ADARB2: variants seen among roughly 807,000 people sequenced by gnomAD.
ADARB2 encodes adenosine deaminase RNA specific B2 (inactive).
In ADARB2, 25 loss-of-function variants were observed where a neutral mutation model predicts 62.2. That is an observed-to-expected ratio of 0.40 (90% CI 0.29 to 0.56). The LOEUF is 0.56. Ranked by LOEUF, ADARB2 falls within the 20% of genes least tolerant of loss-of-function variation. The pLI is 0.43. For synonymous variants in ADARB2, 572 were observed against 500.8 expected (o/e 1.14, Z -1.90); for missense variants, 1,071 against 1,077.4 (o/e 0.99, Z 0.08).
At chr10:1,370,729 C>A (rs1474033733) in intron 2 of ADARB2, among the ~76,000 whole-genome samples, 1 of 152,080 alleles carries the variant, frequency 6.6e-6, no homozygotes, top group Admixed American at 6.5e-5. Context: ...AATAAAATAC[C>A]TAGGAATACA....
intron 7 of ADARB2, among the ~76,000 whole-genome samples, chr10:1,207,678 G>A (rs1003107076): frequency 7.9e-5 from 12 of 152,204 alleles, no homozygotes; most frequent in African/African-American, 2.9e-4. Context: ...ATTCCCCAGA[G>A]AGCAGCTGTA....
intron 1 of ADARB2, among the ~76,000 whole-genome samples, chr10:1,401,091 T>C (rs1037370373): frequency 1.3e-5 from 2 of 152,106 alleles, no homozygotes; most frequent in African/African-American, 4.8e-5. Context: ...CAGCCTGGCA[T>C]GAAATGGGAT....
intron 1 of ADARB2, chr10:1,675,125 G>T: frequency 2.0e-6 from 2 of 984,718 alleles, no homozygotes. Flanking sequence ...CGGGGTACAT[G>T]GATGTTCTGG....
At chr10:1,326,002 C>G (rs887181114) in intron 3 of ADARB2, among the ~76,000 whole-genome samples, 4 of 152,210 alleles carry the variant, frequency 2.6e-5, no homozygotes, top group African/African-American at 7.2e-5. Context: ...TCAACTCTCT[C>G]ACAGGAAACC....
chr10:1,580,606 C>A (rs1833084904), intron 1 of ADARB2, among the ~76,000 whole-genome samples: 1 of 151,804 alleles, frequency 6.6e-6, no homozygotes, highest in Non-Finnish European at 1.5e-5. Flanking sequence ...AATGCACAAC[C>A]ACCCCGTTAT....
At chr10:1,344,283 A>G (rs944774747) in intron 3 of ADARB2, among the ~76,000 whole-genome samples, 3 of 152,182 alleles carry the variant, frequency 2.0e-5, no homozygotes, top group African/African-American at 7.2e-5. Flanking sequence ...CAGCGAGAGG[A>G]CTCAGTCAAG....
intron 1 of ADARB2, among the ~76,000 whole-genome samples, chr10:1,522,667 C>T (rs1333345715): frequency 6.6e-6 from 1 of 152,220 alleles, no homozygotes; most frequent in Non-Finnish European, 1.5e-5. Flanking sequence ...ACACATGTCC[C>T]TCTTCTCAGC....
chr10:1,517,912 C>T (rs960983664), intron 1 of ADARB2, among the ~76,000 whole-genome samples: 4 of 152,248 alleles, frequency 2.6e-5, no homozygotes, highest in African/African-American at 9.6e-5. Context: ...AGCTCAGCCC[C>T]AAAGCACGGG....
intron 1 of ADARB2, among the ~76,000 whole-genome samples, chr10:1,669,784 A>G (rs886828559): frequency 6.6e-6 from 1 of 152,106 alleles, no homozygotes; most frequent in Non-Finnish European, 1.5e-5. Context: ...AGACACAAAC[A>G]CACAGACACA....
At chr10:1,416,104 A>G (rs1437306257) in intron 1 of ADARB2, among the ~76,000 whole-genome samples, 2 of 152,198 alleles carry the variant, frequency 1.3e-5, no homozygotes, top group Non-Finnish European at 2.9e-5. Flanking sequence ...AGTAGACATT[A>G]CTTCTTGTGA....
chr10:1,344,582 C>T (rs991097443), intron 3 of ADARB2, among the ~76,000 whole-genome samples: 18 of 152,176 alleles, frequency 1.2e-4, no homozygotes, highest in Non-Finnish European at 8.8e-5. Context: ...TGCAGGAGGC[C>T]GACCCCAGCA....
intron 1 of ADARB2, among the ~76,000 whole-genome samples, chr10:1,711,507 T>C (rs909435517): frequency 6.6e-6 from 1 of 152,180 alleles, no homozygotes; most frequent in Admixed American, 6.5e-5. Flanking sequence ...ATATAGAACA[T>C]AGTCTCATAG....
intron 1 of ADARB2, among the ~76,000 whole-genome samples, chr10:1,595,993 T>C (rs2045277238): frequency 6.6e-6 from 1 of 152,240 alleles, no homozygotes; most frequent in Non-Finnish European, 1.5e-5. Context: ...GCCTACGGCT[T>C]TGTGGTCTGT....
intron 3 of ADARB2, among the ~76,000 whole-genome samples, chr10:1,281,311 T>C (rs533654374): frequency 3.6e-4 from 55 of 152,328 alleles, no homozygotes; most frequent in African/African-American, 1.3e-3. Context: ...TCCTCCTCAC[T>C]GTTCTGCTGG....
At chr10:1,387,922 T>C (rs1159013900) in intron 1 of ADARB2, among the ~76,000 whole-genome samples, 1 of 152,062 alleles carries the variant, frequency 6.6e-6, no homozygotes, top group Non-Finnish European at 1.5e-5. Context: ...CATCCTGGAA[T>C]GCAAGATTGG....
chr10:1,191,343 C>G (rs773068253), intron 8 of ADARB2, among the ~76,000 whole-genome samples: 2 of 152,192 alleles, frequency 1.3e-5, no homozygotes, highest in Non-Finnish European at 2.9e-5. Flanking sequence ...GCACCCGGCA[C>G]GTGCACCTGC....
intron 6 of ADARB2, among the ~76,000 whole-genome samples, chr10:1,222,515 C>T (rs1296828315): frequency 5.3e-5 from 8 of 149,936 alleles, no homozygotes; most frequent in Admixed American, 5.3e-4. Context: ...AATGGTATTG[C>T]CTAGATTTTC....
chr10:1,386,242 G>A (rs1473150246), intron 1 of ADARB2, among the ~76,000 whole-genome samples: 4 of 151,440 alleles, frequency 2.6e-5, no homozygotes, highest in African/African-American at 9.7e-5. Context: ...TGTTGAAAAA[G>A]GCAAAGAAAG....
intron 4 of ADARB2, among the ~76,000 whole-genome samples, chr10:1,257,200 T>C (rs957272077): frequency 4.6e-5 from 7 of 152,200 alleles, no homozygotes; most frequent in African/African-American, 1.4e-4. Context: ...GGCTCAAATC[T>C]GGCTGGTTAG....
Sources: allele counts gnomAD v4.1 joint callset (sites outside exome capture counted in the v4.1 genomes callset), GRCh38; gene constraint gnomAD v4.1.1; transcripts MANE v1.5; gene names NCBI Gene and HGNC (gene_info 2026-07-23, HGNC 2026-07-21).